Variants in UTP20 observed in about 807,000 individuals in gnomAD.
The protein encoded by UTP20 is small subunit processome component 20 homolog.
UTP20 carries 164 observed loss-of-function variants against 329.5 expected under a neutral mutation model. The observed-to-expected ratio is 0.50, with a 90% confidence interval of 0.44 to 0.57. UTP20 has a LOEUF of 0.57. Among genes scored for constraint, UTP20 ranks in the 20% least tolerant of loss-of-function variants. The pLI is 0.00. For missense variants in UTP20, 3,055 were observed against 3,284.2 expected, an observed-to-expected ratio of 0.93 and a Z score of 1.71; for synonymous variants, 1,151 against 1,159.3, an observed-to-expected ratio of 0.99 and a Z score of 0.14.
At chr12:101,307,447 G>A (rs189505137) in intron 17 of UTP20, among the ~76,000 whole-genome samples, 10 of 151,996 alleles carry the variant, frequency 6.6e-5, no homozygotes, top group African/African-American at 2.4e-4. Flanking sequence ...CGTGATTTCG[G>A]CTCACTGCAG....
intron 11 of UTP20, 75 bp from the exon 12 acceptor site, chr12:101,295,405 T>C: frequency 7.4e-7 from 1 of 1,348,768 alleles, no homozygotes; most frequent in Non-Finnish European, 9.9e-7. Flanking sequence ...GTTTTTGGTC[T>C]AGTTTTTTGA....
Position 101,386,142 on chromosome 12 carries a change from C to G in UTP20, c.*19C>G. The G allele has an allele frequency of 1.3e-6, 2 of 1,579,442 alleles. No homozygotes were observed. Among genetic ancestry groups the G allele is most frequent in the Non-Finnish European group, 1.7e-6 (2 of 1,170,154 alleles). ...GGAGTAATGTCTCCCTGTGCTGATA[C>G]AAGCATGAACTTTCTGGAATATTCT... On this transcript the variant is annotated 3_prime_UTR_variant, in exon 62 of 62. Transcript: ENST00000261637.
intron 48 of UTP20, among the ~76,000 whole-genome samples, chr12:101,369,389 G>GCTT (rs1377719963): frequency 1.4e-3 from 217 of 152,294 alleles, no homozygotes; most frequent in Middle Eastern, 3.4e-3. Flanking sequence ...GGCTGAGGCA[G>GCTT]GAGGATTGCT....
chr12:101,310,861 T>C (rs1872769694), intron 19 of UTP20, among the ~76,000 whole-genome samples: 1 of 152,188 alleles, frequency 6.6e-6, no homozygotes, highest in South Asian at 2.1e-4. Flanking sequence ...TTTTACTACC[T>C]TTCAAAGCCA....
At chr12:101,374,670 T>G in intron 54 of UTP20, 138 bp from the exon 55 acceptor site, 1 of 588,770 alleles carries the variant, frequency 1.7e-6, no homozygotes, top group South Asian at 3.3e-5. Context: ...GCTCCATAAT[T>G]TACTGATTTC....
At chr12:101,374,978 T>G in intron 55 of UTP20, 39 bp downstream of exon 55, 2 of 1,498,176 alleles carry the variant, frequency 1.3e-6, no homozygotes, top group Non-Finnish European at 1.9e-6. Context: ...TTCTAACTTA[T>G]AGTTTTACTT....
chr12:101,290,022 C>A, intron 6 of UTP20, 115 bp from the exon 7 acceptor site: 1 of 816,220 alleles, frequency 1.2e-6, no homozygotes, highest in Non-Finnish European at 1.8e-6. Flanking sequence ...GTTCTTTTCA[C>A]AATTTTTTCC....
chr12:101,375,044 A>G (rs1870428497), intron 55 of UTP20, 105 bp downstream of exon 55: 2 of 726,798 alleles, frequency 2.8e-6, no homozygotes, highest in Non-Finnish European at 4.4e-6. Flanking sequence ...ATTTATATTT[A>G]TAGCTATAGC....
chr12:101,355,851 C>T (rs965277269), intron 41 of UTP20, among the ~76,000 whole-genome samples: 2 of 149,922 alleles, frequency 1.3e-5, no homozygotes, highest in Admixed American at 6.6e-5. Context: ...TATTTGAGGC[C>T]CTGTATTTAT....
At position 101,386,459 on chromosome 12, in the gene UTP20, G is replaced by A. The variant is rs1870839935; in HGVS notation, c.*336G>A. 6 of 171,508 alleles carry A rather than the reference G, an allele frequency of 3.5e-5. No homozygotes were observed. The highest frequency in any genetic ancestry group is 3.5e-4 in the South Asian group (2 of 5,702). 10.6% of individuals were successfully genotyped at this position (171,508 alleles called of 1,614,324 possible). ...TCGAACACCTGGGCTCAACTGATCC[G>A]CCTGCCTCGGCCTCCCAAAGTGCTG... is the stretch of plus-strand genomic sequence containing the variant. On this transcript the variant is annotated 3_prime_UTR_variant, in exon 62 of 62. Transcript: ENST00000261637.
intron 25 of UTP20, chr12:101,326,827 G>A (rs1868574088): frequency 3.9e-6 from 1 of 253,652 alleles, no homozygotes; most frequent in Admixed American, 5.5e-5. Flanking sequence ...GAGCTCAAGT[G>A]ATCCTCTGGC....
chr12:101,299,605 C>A, intron 12 of UTP20, 77 bp from the exon 13 acceptor site: 1 of 1,369,426 alleles, frequency 7.3e-7, no homozygotes, highest in East Asian at 2.4e-5. Context: ...TGGTAAGAAT[C>A]CAATTTTATT....
chr12:101,295,551 A>C lies in UTP20; in HGVS notation c.1323A>C (p.Glu441Asp), dbSNP rs1452538775. ...TTGATGATGCTGTAGTCAAAGATGA[A>C]GCTCTGGCCATTCTGGCCAAGCTCA... The part of the protein sequence containing the change: ...FLIDDAVVKD[E>D]ALAILAKLIL... The change falls in exon 12 of 62, where the codon GAA becomes GAC. Residue 441 changes from glutamate to aspartate, a missense_variant. By Grantham distance (45) the Glu-to-Asp change is conservative. This residue lies in a region of UTP20 where 2,445 missense variants were observed against 2,575.5 expected (regional missense o/e 0.95). Coordinates refer to ENST00000261637, the MANE Select transcript of UTP20 (RefSeq NM_014503.3). 1.2e-6 allele frequency: 2 copies of C among 1,613,164 alleles called. No individual in the cohort carries two copies. The highest frequency in any genetic ancestry group is 1.7e-6 in the Non-Finnish European group (2 of 1,179,720).
chr12:101,299,153 A>G (rs968055990), intron 12 of UTP20, among the ~76,000 whole-genome samples: 5 of 152,230 alleles, frequency 3.3e-5, no homozygotes, highest in African/African-American at 1.2e-4. Flanking sequence ...ATCTGTGACC[A>G]GAGTCACAGA....
intron 38 of UTP20, among the ~76,000 whole-genome samples, chr12:101,350,369 C>A (rs1055585650): frequency 6.6e-6 from 1 of 152,084 alleles, no homozygotes; most frequent in Non-Finnish European, 1.5e-5. Flanking sequence ...GGGGTTCTCG[C>A]TTTGTTGCCC....
intron 12 of UTP20, among the ~76,000 whole-genome samples, 171 bp from the exon 13 acceptor site, chr12:101,299,511 G>A (rs1349106988): frequency 6.6e-6 from 1 of 152,120 alleles, no homozygotes; most frequent in African/African-American, 2.4e-5. Context: ...AGTTGAAAAA[G>A]CTTCTCACTG....
At chr12:101,365,373 CT>C in intron 45 of UTP20, 85 bp from the exon 46 acceptor site, 2 of 956,724 alleles carry the variant, frequency 2.1e-6, no homozygotes, top group Non-Finnish European at 3.0e-6. Flanking sequence ...TATTAGAAAG[CT>C]AATATATAAA....
chr12:101,348,378 T>G (rs1489838904), intron 38 of UTP20, among the ~76,000 whole-genome samples: 2 of 152,126 alleles, frequency 1.3e-5, no homozygotes, highest in Admixed American at 1.3e-4. Context: ...GGATTAATTG[T>G]ACTTGTTGAG....
At position 101,309,775 on chromosome 12, in the gene UTP20, T is replaced by A; in HGVS notation, c.2167T>A (p.Tyr723Asn). ...TTTGTAATTGCAGGTGCCGCTTCGT[T>A]ATTTGTTAGGCATGCTATATATTAA... is the stretch of plus-strand genomic sequence containing the variant. The part of the protein sequence containing the change: ...DGPLQEVPLR[Y>N]LLGMLYINFS... The change falls in exon 19 of 62, where the codon TAT (tyrosine) becomes AAT (asparagine). Residue 723 changes from tyrosine to asparagine, a missense_variant. Physicochemically the swap from Tyr to Asn is moderately radical, Grantham distance 143. This residue lies in a region of UTP20 where 2,445 missense variants were observed against 2,575.5 expected (regional missense o/e 0.95). Transcript: ENST00000261637. 1 of 1,613,766 alleles carries A rather than the reference T, an allele frequency of 6.2e-7. No individual in the cohort carries two copies. Among genetic ancestry groups the A allele is most frequent in the Non-Finnish European group, 8.5e-7 (1 of 1,179,962 alleles).
Sources: allele counts gnomAD v4.1 joint callset (sites outside exome capture counted in the v4.1 genomes callset), GRCh38; gene constraint gnomAD v4.1.1; regional missense constraint gnomAD v4.1.1; transcripts MANE v1.5; gene names NCBI Gene and HGNC (gene_info 2026-07-23, HGNC 2026-07-21).